The following RBFOX1 variants were observed in gnomAD, a reference collection of about 807,000 sequenced individuals.
RBFOX1 encodes RNA binding protein fox-1 homolog 1.
Under a neutral mutation model 57.7 loss-of-function variants are expected in RBFOX1, and 8 were observed. The ratio of observed to expected loss-of-function variants is 0.14; its 90% CI spans 0.08 to 0.25. The LOEUF (loss-of-function observed/expected upper bound fraction) is 0.25. Among genes scored for constraint, RBFOX1 ranks in the 10% least tolerant of loss-of-function variants. The pLI is 1.00. For missense variants in RBFOX1, 611 were observed against 548.5 expected (o/e 1.11, Z -1.14); for synonymous variants, 326 against 222.4 (o/e 1.47, Z -4.15).
At chr16:5,372,702 C>G (rs1270565653) in intron 1 of RBFOX1, among the ~76,000 whole-genome samples, 1 of 152,190 alleles carries the variant, frequency 6.6e-6, no homozygotes, top group Non-Finnish European at 1.5e-5. Context: ...TCCAAGGCTG[C>G]TGTATATCTA....
chr16:6,802,909 A>C (rs1005884506), intron 3 of RBFOX1, among the ~76,000 whole-genome samples: 3 of 152,160 alleles, frequency 2.0e-5, no homozygotes, highest in Non-Finnish European at 1.5e-5. Flanking sequence ...AAGTTATTTT[A>C]GTTTCCCTTA....
chr16:6,969,278 T>G (rs1185658935), intron 3 of RBFOX1, among the ~76,000 whole-genome samples: 1 of 152,152 alleles, frequency 6.6e-6, no homozygotes, highest in Non-Finnish European at 1.5e-5. Flanking sequence ...TTAAAAATGC[T>G]TAGGCAGTTA....
At chr16:5,503,654 G>C (rs987532152) in intron 2 of RBFOX1, among the ~76,000 whole-genome samples, 2 of 152,122 alleles carry the variant, frequency 1.3e-5, no homozygotes, top group Non-Finnish European at 2.9e-5. Flanking sequence ...ATGTTGGTCA[G>C]GTTGGTCTTG....
intron 4 of RBFOX1, among the ~76,000 whole-genome samples, chr16:5,877,777 A>C: frequency 6.6e-6 from 1 of 152,194 alleles, no homozygotes; most frequent in East Asian, 1.9e-4. Flanking sequence ...CAGATTATGG[A>C]GAAATGTTTA....
Position 5,952,299 on chromosome 16 carries a change from C to T in RBFOX1, c.351+84964C>T, listed in dbSNP as rs140562733. Among the ~76,000 whole-genome samples the T allele has an allele frequency of 3.9e-3, 587 of 151,814 alleles. 20 individuals are homozygous for T. The East Asian group carries it at 0.071, about 18-fold the overall frequency. On this transcript the variant is annotated intron_variant, in intron 4 of 19. Coordinates refer to the RBFOX1 transcript ENST00000641259. ...CTGAGTAGCTGGGATTACAGGCGTG[C>T]GCCACCACACCTGGTTAATCTTTGT...
At chr16:5,834,823 C>T (rs148537776) in intron 3 of RBFOX1, among the ~76,000 whole-genome samples, 141 of 143,218 alleles carry the variant, frequency 9.8e-4, no homozygotes, top group African/African-American at 3.1e-3. Context: ...GATAGATAGA[C>T]AGACAGACAG....
intron 4 of RBFOX1, among the ~76,000 whole-genome samples, chr16:7,511,712 C>G (rs762377441): frequency 2.4e-4 from 37 of 151,966 alleles, no homozygotes; most frequent in Non-Finnish European, 4.7e-4. Flanking sequence ...GTTGGGGTGT[C>G]TTAAGTAATG....
intron 3 of RBFOX1, among the ~76,000 whole-genome samples, chr16:5,732,757 C>T (rs1399436308): frequency 6.6e-6 from 1 of 152,156 alleles, no homozygotes. Context: ...GAGATTCTCC[C>T]AGGTCCTAGG....
chr16:7,682,343 C>G (rs2074976909), intron 14 of RBFOX1, among the ~76,000 whole-genome samples: 1 of 151,986 alleles, frequency 6.6e-6, no homozygotes, highest in Non-Finnish European at 1.5e-5. Context: ...CAACAAGGAA[C>G]TGAGGATGGA....
intron 1 of RBFOX1, among the ~76,000 whole-genome samples, chr16:6,172,048 C>T (rs2152767531): frequency 6.6e-6 from 1 of 152,194 alleles, no homozygotes. Flanking sequence ...GTCTCGATCT[C>T]CTGACCTCAT....
intron 4 of RBFOX1, among the ~76,000 whole-genome samples, chr16:5,929,852 A>T (rs1177418641): frequency 6.6e-6 from 1 of 150,820 alleles, no homozygotes; most frequent in Non-Finnish European, 1.5e-5. Context: ...AGTAGGTACA[A>T]ACAGAGTCTT....
At chr16:5,794,364 T>C (rs56347522) in intron 3 of RBFOX1, among the ~76,000 whole-genome samples, 37,045 of 151,920 alleles carry the variant, frequency 0.24, 4,766 homozygotes, top group East Asian at 0.4. Flanking sequence ...CTTCCATCAT[T>C]ATTATCATCA....
intron 15 of RBFOX1, 52 bp from the exon 16 acceptor site, chr16:7,710,571 T>C: frequency 1.9e-6 from 3 of 1,607,938 alleles, no homozygotes; most frequent in East Asian, 2.2e-5. Flanking sequence ...ATGATCCACA[T>C]GTTGCAAAAG....
intron 3 of RBFOX1, among the ~76,000 whole-genome samples, chr16:5,710,557 C>G (rs911840100): frequency 6.6e-6 from 1 of 152,132 alleles, no homozygotes; most frequent in Non-Finnish European, 1.5e-5. Context: ...AGGCAGCTTC[C>G]CAATTAATCT....
At chr16:5,830,593 G>C (rs919470364) in intron 3 of RBFOX1, among the ~76,000 whole-genome samples, 1 of 152,164 alleles carries the variant, frequency 6.6e-6, no homozygotes, top group Non-Finnish European at 1.5e-5. Flanking sequence ...GTAGCCAGCA[G>C]ATGTGATCTG....
chr16:7,204,220 C>G (rs2089418552), intron 4 of RBFOX1, among the ~76,000 whole-genome samples: 2 of 152,178 alleles, frequency 1.3e-5, no homozygotes, highest in South Asian at 2.1e-4. Flanking sequence ...CTCATCCTAC[C>G]TCTCATCTCT....
intron 4 of RBFOX1, among the ~76,000 whole-genome samples, chr16:6,009,881 C>G (rs2094951196): frequency 1.3e-5 from 2 of 151,010 alleles, no homozygotes; most frequent in Admixed American, 6.6e-5. Context: ...TCCTATACTT[C>G]CTGAATCAGA....
At chr16:5,975,187 G>A (rs1348299621) in intron 4 of RBFOX1, among the ~76,000 whole-genome samples, 1 of 152,094 alleles carries the variant, frequency 6.6e-6, no homozygotes. Flanking sequence ...CAGCCTAGCT[G>A]ACTCCTCTTT....
At chr16:6,825,337 G>A (rs565587492) in intron 3 of RBFOX1, among the ~76,000 whole-genome samples, 1 of 151,480 alleles carries the variant, frequency 6.6e-6, no homozygotes, top group East Asian at 1.9e-4. Context: ...AAAATGGCTG[G>A]TGTTGAGAAT....
Sources: gnomAD v4.1 joint callset for allele counts (sites outside exome capture counted in the v4.1 genomes callset) on GRCh38, gnomAD v4.1.1 for gene constraint, MANE v1.5 for transcripts, NCBI Gene and HGNC (gene_info 2026-07-23, HGNC 2026-07-21) for gene names.